DNAH17: variants seen among roughly 807,000 people sequenced by gnomAD.
DNAH17 encodes the protein axonemal beta dynein heavy chain 17.
Under a neutral mutation model 485.6 loss-of-function variants are expected in DNAH17, and 376 were observed. The ratio of observed to expected loss-of-function variants is 0.77; its 90% CI spans 0.71 to 0.84. The LOEUF (loss-of-function observed/expected upper bound fraction) is 0.84. Ranked by LOEUF, DNAH17 falls within the 40% of genes least tolerant of loss-of-function variation. The pLI, the probability that DNAH17 is intolerant of heterozygous loss-of-function variation, is 0.00. For missense variants in DNAH17, 6,370 were observed against 5,839.3 expected (o/e 1.09, Z -2.96); for synonymous variants, 3,031 against 2,405.9 (o/e 1.26, Z -7.60).
intron 38 of DNAH17, among the ~76,000 whole-genome samples, chr17:78,495,500 C>T (rs2090038191): frequency 6.7e-6 from 1 of 150,018 alleles, no homozygotes; most frequent in Non-Finnish European, 1.5e-5. Context: ...TGCAATGGTG[C>T]CATCCCGGCT....
intron 9 of DNAH17, among the ~76,000 whole-genome samples, chr17:78,568,163 C>T (rs1373350272): frequency 1.3e-5 from 2 of 152,158 alleles, no homozygotes; most frequent in East Asian, 3.9e-4. Flanking sequence ...CTCCAAAGTC[C>T]CTTCCTACCC....
chr17:78,491,623 G>T, intron 42 of DNAH17, 53 bp from the exon 43 acceptor site: 2 of 1,576,484 alleles, frequency 1.3e-6, no homozygotes, highest in African/African-American at 1.3e-5. Context: ...CCCCATTCCA[G>T]TCCCCACCAG....
intron 16 of DNAH17, among the ~76,000 whole-genome samples, chr17:78,548,022 T>C (rs1322259123): frequency 2.6e-5 from 4 of 152,200 alleles, no homozygotes; most frequent in African/African-American, 9.7e-5. Context: ...TTCCTAAAAT[T>C]GTCCTCCGTT....
In DNAH17 at chr17:78,574,893, C is replaced by A. The variant is rs373068644; in HGVS notation, c.165G>T (p.Thr55=). Residue 55 remains threonine (T), a synonymous_variant, in exon 2 of 81, where the codon ACG becomes ACT. Coordinates refer to ENST00000389840, the MANE Select transcript of DNAH17 (RefSeq NM_173628.4). ...EKPDVQVLVL[T]LNAAGMIIPC... is the part of the protein sequence containing the mutation. Reference sequence around the variant, plus strand: ...GTATGATCATGCCGGCTGCATTGAGCGTCAGCACCAGCACCTGGACGTCGG... The same window carrying A: ...GTATGATCATGCCGGCTGCATTGAGAGTCAGCACCAGCACCTGGACGTCGG... The A allele has an allele frequency of 2.5e-6, 4 of 1,613,974 alleles. No homozygotes were observed. In the East Asian group the frequency reaches 8.9e-5, roughly 36 times the overall value.
chr17:78,460,982 T>C (rs960033341), intron 58 of DNAH17, among the ~76,000 whole-genome samples: 2 of 152,118 alleles, frequency 1.3e-5, no homozygotes, highest in Non-Finnish European at 2.9e-5. Flanking sequence ...GGAGGGGTCA[T>C]GAGAAGCTGC....
intron 48 of DNAH17, among the ~76,000 whole-genome samples, chr17:78,483,111 C>T (rs1313129500): frequency 3.3e-5 from 5 of 150,062 alleles, no homozygotes; most frequent in African/African-American, 9.9e-5. Flanking sequence ...ACCCTCAAAT[C>T]TCCCACCCCA....
chr17:78,571,300 C>T lies in DNAH17; in HGVS notation c.811G>A (p.Val271Ile), dbSNP rs751613145. ...TCACCTTCAGTGACGTTGGTGTAAACGTTTTGCAGGGCTGGCCAGTAGCAG... is the reference window on the plus strand; with the variant it reads ...TCACCTTCAGTGACGTTGGTGTAAATGTTTTGCAGGGCTGGCCAGTAGCAG... Reference protein sequence around the residue: ...KSCYWPALQNVYTNVTEGLKE... With the variant: ...KSCYWPALQNIYTNVTEGLKE... Residue 271 changes from valine (V) to isoleucine (I), a missense_variant, in exon 5 of 81, where the codon GTT becomes ATT. Transcript: ENST00000389840. 8.0e-5 allele frequency: 129 copies of T among 1,613,528 alleles called. No individual in the cohort carries two copies. The highest frequency in any genetic ancestry group is 1.6e-4 in the Middle Eastern group (1 of 6,072).
rs750684437 is a variant in DNAH17, at chr17:78,426,491, G to C, written c.12881C>G (p.Ala4294Gly). 40 of 1,612,188 alleles carry C rather than the reference G, an allele frequency of 2.5e-5. No individual in the cohort carries two copies. Among genetic ancestry groups the C allele is most frequent in the Non-Finnish European group, 3.3e-5 (39 of 1,179,124 alleles). Residue 4294 changes from alanine to glycine, a missense_variant, in exon 79 of 81, where the codon GCG (alanine) becomes GGG (glycine). By Grantham distance (60) the Ala-to-Gly change is moderately conservative. Transcript: ENST00000389840. ...GAGCAGCAGGTCTGCGTACCAGGCC[G>C]CCAGGCCCATCATGGAGGGGTAGGC... The part of the protein sequence containing the change: ...ARAYPSMMGL[A>G]AWYADLLLRI...
intron 19 of DNAH17, among the ~76,000 whole-genome samples, chr17:78,534,013 T>C (rs2091308401): frequency 1.3e-5 from 2 of 151,966 alleles, no homozygotes; most frequent in Admixed American, 6.6e-5. Flanking sequence ...AAAAATAAAA[T>C]AAAAAAACCT....
chr17:78,576,578 CTCCGAGACCCGGGGACGCG>C (rs1265614592), intron 1 of DNAH17, among the ~76,000 whole-genome samples: 1 of 152,192 alleles, frequency 6.6e-6, no homozygotes, highest in Non-Finnish European at 1.5e-5. Context: ...CACCCAGGAT[CTCCGAGACCCGGGGACGCG>C]TCACGTCGTC....
chr17:78,503,666 C>T (rs12938596), intron 31 of DNAH17, among the ~76,000 whole-genome samples: 135,714 of 151,892 alleles, frequency 0.89, 60,941 homozygotes, highest in East Asian at 0.98. Context: ...AAAGACTCAC[C>T]TAAAAAATGT....
At chr17:78,463,147 A>T in intron 56 of DNAH17, 70 bp from the exon 57 acceptor site, 1 of 1,438,386 alleles carries the variant, frequency 7.0e-7, no homozygotes, top group Non-Finnish European at 9.7e-7. Flanking sequence ...GGCTCCCCAG[A>T]CTCACCAGGG....
intron 69 of DNAH17, among the ~76,000 whole-genome samples, chr17:78,446,262 TGCAACCATCA>T (rs112966941): frequency 0.091 from 13,726 of 150,138 alleles, 1,875 homozygotes; most frequent in African/African-American, 0.3. Flanking sequence ...CGCAGCATCG[TGCAACCATCA>T]GCACTCTCTA....
At chr17:78,522,968 C>G (rs933799178) in intron 25 of DNAH17, 1 of 155,236 alleles carries the variant, frequency 6.4e-6, no homozygotes, top group Non-Finnish European at 1.4e-5. Flanking sequence ...ATCCTCTCAC[C>G]TCAGCCTCCT....
At position 78,423,751 on chromosome 17, in the gene DNAH17, C is replaced by G; in HGVS notation, c.*155G>C. On this transcript the variant is annotated 3_prime_UTR_variant, in exon 81 of 81. Coordinates refer to ENST00000389840, the MANE Select transcript of DNAH17 (RefSeq NM_173628.4). The stretch of plus-strand genomic sequence containing the variant: ...CACCTCTTCCACACCAACCTCCACC[C>G]TCTGGTTCCGATGTGCTTGGTTACA... 1 of 990,838 alleles carries G rather than the reference C, an allele frequency of 1.0e-6. No homozygotes were observed. The highest frequency in any genetic ancestry group is 1.5e-5 in the South Asian group (1 of 64,802). 61.4% of individuals were successfully genotyped at this position (990,838 alleles called of 1,614,324 possible). A position where few individuals can be genotyped will look rare whatever the true frequency, so the allele number is the denominator to read the frequency against.
intron 14 of DNAH17, among the ~76,000 whole-genome samples, chr17:78,557,636 CAAAAAAAAAAAA>C (rs34251460): frequency 1.4e-4 from 4 of 29,016 alleles, no homozygotes; most frequent in African/African-American, 2.9e-4. Context: ...GAGACTGTCT[CAAAAAAAAAAAA>C]AAAAAAAAAA....
intron 65 of DNAH17, among the ~76,000 whole-genome samples, chr17:78,451,962 C>T (rs753875195): frequency 5.3e-5 from 8 of 151,948 alleles, no homozygotes; most frequent in African/African-American, 1.9e-4. Context: ...GAGCCCTGAC[C>T]GAAACCTTCT....
rs375281564 is a variant in DNAH17, at chr17:78,570,939, C to A, written c.918+9G>T. The A allele has an allele frequency of 3.9e-5, 62 of 1,578,726 alleles. No homozygotes were observed. In the African/African-American group the frequency reaches 7.2e-4, roughly 18 times the overall value. The stretch of plus-strand genomic sequence containing the variant: ...CCCCACCAAAGCCGGCTCTCCCTTG[C>A]CTGCGCACCATCGTGAAGTCGGCTT... On this transcript the variant is annotated intron_variant, in intron 6 of 80. Coordinates refer to ENST00000389840, the MANE Select transcript of DNAH17 (RefSeq NM_173628.4).
chr17:78,432,179 A>AAAAT (rs569124752), intron 75 of DNAH17, among the ~76,000 whole-genome samples: 6,571 of 149,718 alleles, frequency 0.044, 375 homozygotes, highest in Admixed American at 0.16. Flanking sequence ...CCCTGTCTCA[A>AAAAT]AAATAAATAA....
Sources: gnomAD v4.1 joint callset for allele counts (sites outside exome capture counted in the v4.1 genomes callset) on GRCh38, gnomAD v4.1.1 for gene constraint, MANE v1.5 for transcripts, NCBI Gene and HGNC (gene_info 2026-07-23, HGNC 2026-07-21) for gene names.